CD99L2: variants seen among roughly 807,000 people sequenced by gnomAD.
CD99L2 encodes CD99 molecule like 2, also known as CD99 antigen-like protein 2.
Under a neutral mutation model 27.3 loss-of-function variants are expected in CD99L2, and 24 were observed. The observed-to-expected ratio is 0.88, with a 90% CI of 0.64 to 1.24. The LOEUF (loss-of-function observed/expected upper bound fraction) is 1.24. CD99L2 is among the 50% of genes most tolerant of loss of function. CD99L2 has a pLI of 0.00. For synonymous variants in CD99L2, 97 were observed against 87.9 expected (o/e 1.10, Z -0.58); for missense variants, 255 against 221.6 (o/e 1.15, Z -0.96).
chrX:150,880,342 A>G (rs190514320), intron 1 of CD99L2, among the ~76,000 whole-genome samples: 2 of 112,626 alleles, frequency 1.8e-5, no homozygotes, highest in Admixed American at 1.9e-4. Flanking sequence ...TGGTCTACCC[A>G]TAAAATGGAA....
intron 1 of CD99L2, among the ~76,000 whole-genome samples, chrX:150,858,005 C>T (rs1400394246): frequency 8.9e-6 from 1 of 111,921 alleles, no homozygotes; most frequent in Non-Finnish European, 1.9e-5. Flanking sequence ...AAAGATATTC[C>T]ATGCAAATGG....
chrX:150,848,528 G>C (rs189729845), intron 1 of CD99L2, among the ~76,000 whole-genome samples: 3 of 95,534 alleles, frequency 3.1e-5, no homozygotes, highest in Admixed American at 1.2e-4. Context: ...AAGATGGTAA[G>C]TATTATGTGG....
chrX:150,811,908 T>C (rs1212488437), intron 4 of CD99L2, among the ~76,000 whole-genome samples: 1 of 112,156 alleles, frequency 8.9e-6, no homozygotes, highest in Non-Finnish European at 1.9e-5. Context: ...ATGCCTGTAA[T>C]CCTAGCACTT....
At chrX:150,876,361 T>C (rs782478404) in intron 1 of CD99L2, among the ~76,000 whole-genome samples, 2 of 111,899 alleles carry the variant, frequency 1.8e-5, no homozygotes, top group Non-Finnish European at 3.8e-5. Flanking sequence ...TAGTTTCTTT[T>C]AAAAATGTTC....
At chrX:150,857,506 A>C (rs1178274644) in intron 1 of CD99L2, among the ~76,000 whole-genome samples, 1 of 111,615 alleles carries the variant, frequency 9.0e-6, no homozygotes, top group African/African-American at 3.3e-5. Context: ...TATCCATCAA[A>C]ATCATTCTTC....
chrX:150,848,328 G>A (rs113175822), intron 1 of CD99L2, among the ~76,000 whole-genome samples: 1,800 of 110,548 alleles, frequency 0.016, 42 homozygotes, highest in African/African-American at 0.056. Flanking sequence ...ATTTTATGAG[G>A]TCCCTAGAGT....
At chrX:150,820,732 C>T (rs1266531378) in intron 2 of CD99L2, among the ~76,000 whole-genome samples, 3 of 111,271 alleles carry the variant, frequency 2.7e-5, no homozygotes, top group Non-Finnish European at 5.7e-5. Flanking sequence ...GTTCAACTAT[C>T]TCTATTCACA....
At chrX:150,878,262 C>T (rs953858427) in intron 1 of CD99L2, among the ~76,000 whole-genome samples, 2 of 108,683 alleles carry the variant, frequency 1.8e-5, no homozygotes, top group African/African-American at 3.4e-5. Flanking sequence ...CACTTGAACC[C>T]GGGAGGCGGA....
At chrX:150,883,224 A>C (rs890337495) in intron 1 of CD99L2, among the ~76,000 whole-genome samples, 15 of 111,859 alleles carry the variant, frequency 1.3e-4, no homozygotes, top group African/African-American at 4.2e-4. Flanking sequence ...AACAAACAAA[A>C]AAAACCATGA....
At chrX:150,777,316 A>G in intron 8 of CD99L2, 128 bp downstream of exon 8, 1 of 787,226 alleles carries the variant, frequency 1.3e-6, no homozygotes, top group Non-Finnish European at 1.9e-6. Context: ...ATTTAGGAGT[A>G]GAATGGGAGG....
At chrX:150,854,181 G>T (rs1187611979) in intron 1 of CD99L2, among the ~76,000 whole-genome samples, 1 of 111,312 alleles carries the variant, frequency 9.0e-6, no homozygotes, top group Non-Finnish European at 1.9e-5. Context: ...TGGGCCCAGA[G>T]AATGCATACT....
chrX:150,822,230 G>A (rs2046252898), intron 2 of CD99L2, among the ~76,000 whole-genome samples: 1 of 111,996 alleles, frequency 8.9e-6, no homozygotes, highest in Non-Finnish European at 1.9e-5. Flanking sequence ...ACATGGAAGT[G>A]CCTCCAAAAC....
chrX:150,830,540 G>GAGTAA (rs1273319062), intron 2 of CD99L2, among the ~76,000 whole-genome samples: 25 of 87,194 alleles, frequency 2.9e-4, no homozygotes, highest in Admixed American at 1.1e-3. Context: ...TTGGGCAATA[G>GAGTAA]AGTAAGATCC....
In CD99L2 at chrX:150,800,245, C is replaced by T. The variant is rs375050634; in HGVS notation, c.278-4759G>A. Among the ~76,000 whole-genome samples the T allele has an allele frequency of 2.7e-4, 30 of 110,921 alleles. No homozygotes were observed. In the East Asian group the frequency reaches 4.2e-3, roughly 16 times the overall value. ...AGGAGTAAGGAGAAATGAGGAGTTA[C>T]TGTTGTAGGGGTATAGGGTTTCTAG... On this transcript the variant is annotated intron_variant, in intron 4 of 10. Transcript: ENST00000370377.
Position 150,884,340 on chromosome X carries a change from C to T in CD99L2, c.67+14182G>A, listed in dbSNP as rs781829093. 7.2e-5 allele frequency among the ~76,000 whole-genome samples: 8 copies of T among 111,615 alleles called. No homozygotes were observed. The South Asian group carries it at 3.0e-3, about 42-fold the overall frequency. ...CCTCTAAAAAACGCCACTGCATACTCGTGAGAGGAGAATGGGAAAGGCAGT... is the reference window on the plus strand; with the variant it reads ...CCTCTAAAAAACGCCACTGCATACTTGTGAGAGGAGAATGGGAAAGGCAGT... On this transcript the variant is annotated intron_variant, in intron 1 of 10. Coordinates refer to ENST00000370377, the MANE Select transcript of CD99L2 (RefSeq NM_031462.4).
intron 1 of CD99L2, among the ~76,000 whole-genome samples, chrX:150,865,535 G>A (rs1467935441): frequency 9.0e-6 from 1 of 111,383 alleles, no homozygotes; most frequent in African/African-American, 3.3e-5. Flanking sequence ...ATAAGAGAGG[G>A]GTCTTGCACA....
chrX:150,898,410 C>A (rs1423841166), intron 1 of CD99L2, 112 bp downstream of exon 1: 7 of 574,644 alleles, frequency 1.2e-5, no homozygotes, highest in Admixed American at 6.6e-5. Flanking sequence ...CGGCCGGTGG[C>A]AGCCACCGCA....
intron 1 of CD99L2, among the ~76,000 whole-genome samples, chrX:150,837,938 A>G (rs1415471435): frequency 8.9e-6 from 1 of 112,522 alleles, no homozygotes; most frequent in African/African-American, 3.2e-5. Flanking sequence ...TAAAGGGGAA[A>G]TAGAAAAACT....
intron 1 of CD99L2, among the ~76,000 whole-genome samples, chrX:150,850,477 G>T (rs191287530): frequency 9.0e-6 from 1 of 111,722 alleles, no homozygotes; most frequent in Non-Finnish European, 1.9e-5. Flanking sequence ...AGGCACCAGC[G>T]GACGTGCACA....
Sources: gnomAD v4.1 joint callset for allele counts (sites outside exome capture counted in the v4.1 genomes callset) on GRCh38, gnomAD v4.1.1 for gene constraint, MANE v1.5 for transcripts, NCBI Gene and HGNC (gene_info 2026-07-23, HGNC 2026-07-21) for gene names.